Variants in ZRANB3 observed in about 807,000 individuals in gnomAD.
ZRANB3 encodes the protein DNA annealing helicase and endonuclease ZRANB3.
ZRANB3 carries 125 observed loss-of-function variants against 133.8 expected under a neutral mutation model. The observed-to-expected ratio is 0.93, with a 90% CI of 0.81 to 1.08. ZRANB3 has a LOEUF of 1.08. Ranked by LOEUF, ZRANB3 falls within the 50% of genes least tolerant of loss-of-function variation. The pLI, the probability that ZRANB3 is intolerant of heterozygous loss-of-function variation, is 0.00. For synonymous variants in ZRANB3, 387 were observed against 432.7 expected (o/e 0.89, Z 1.31); for missense variants, 1,229 against 1,275.5 (o/e 0.96, Z 0.56).
At chr2:135,504,604 G>T in intron 1 of ZRANB3, 108 bp from the exon 2 acceptor site, 1 of 992,374 alleles carries the variant, frequency 1.0e-6, no homozygotes, top group Non-Finnish European at 1.4e-6. Context: ...AAATAGCTTT[G>T]ACATACCATT....
At chr2:135,241,830 G>A (rs115649236) in intron 12 of ZRANB3, among the ~76,000 whole-genome samples, 1 of 152,276 alleles carries the variant, frequency 6.6e-6, no homozygotes, top group South Asian at 2.1e-4. Context: ...AGAAATGTAT[G>A]AGAACTAGTG....
intron 2 of ZRANB3, among the ~76,000 whole-genome samples, chr2:135,472,788 G>A (rs1316799840): frequency 2.0e-5 from 3 of 152,158 alleles, no homozygotes; most frequent in Non-Finnish European, 4.4e-5. Flanking sequence ...TACATTGAGA[G>A]TTGAACAAAC....
At chr2:135,339,606 T>C (rs1368325798) in intron 6 of ZRANB3, among the ~76,000 whole-genome samples, 1 of 152,186 alleles carries the variant, frequency 6.6e-6, no homozygotes, top group Non-Finnish European at 1.5e-5. Context: ...ACAGATGGTA[T>C]AGCCATAACA....
Position 135,200,258 on chromosome 2 carries a change from A to C in ZRANB3, c.*84T>G, listed in dbSNP as rs1255638887. On this transcript the variant is annotated 3_prime_UTR_variant, in exon 21 of 21. Transcript: ENST00000264159. ...TTTGTTCTGAAAATTTTTACTCTCG[A>C]TATATTAAACAAACATGGAAAACTT... is the stretch of plus-strand genomic sequence containing the variant. 2 of 1,141,866 alleles carry C rather than the reference A, an allele frequency of 1.8e-6. No individual in the cohort carries two copies. The highest frequency in any genetic ancestry group is 4.5e-5 in the Admixed American group (2 of 44,202). 70.7% of individuals were successfully genotyped at this position (1,141,866 alleles called of 1,614,324 possible). A position where few individuals can be genotyped will look rare whatever the true frequency, so the allele number is the denominator to read the frequency against.
intron 12 of ZRANB3, among the ~76,000 whole-genome samples, chr2:135,260,652 T>C (rs1679911963): frequency 6.8e-6 from 1 of 147,018 alleles, no homozygotes. Flanking sequence ...ATATGTACTA[T>C]ATATACTTGA....
intron 3 of ZRANB3, among the ~76,000 whole-genome samples, chr2:135,374,583 T>A (rs190791619): frequency 6.7e-6 from 1 of 149,534 alleles, no homozygotes; most frequent in East Asian, 2.0e-4. Context: ...CTCACAGCAA[T>A]CTCTGCTTCC....
At chr2:135,339,159 C>G (rs1427498117) in intron 6 of ZRANB3, among the ~76,000 whole-genome samples, 1 of 152,210 alleles carries the variant, frequency 6.6e-6, no homozygotes, top group East Asian at 1.9e-4. Flanking sequence ...TGCCTGTAAT[C>G]CCAGCACTTT....
intron 2 of ZRANB3, among the ~76,000 whole-genome samples, chr2:135,469,730 G>C (rs1691167265): frequency 6.6e-6 from 1 of 152,052 alleles, no homozygotes; most frequent in Admixed American, 6.6e-5. Context: ...AAGGATATTT[G>C]GGCCGGGCAC....
intron 2 of ZRANB3, among the ~76,000 whole-genome samples, chr2:135,444,479 A>G (rs1343601031): frequency 1.3e-5 from 2 of 152,200 alleles, no homozygotes; most frequent in South Asian, 2.1e-4. Flanking sequence ...ATGAACCTGG[A>G]AAGAAAAGCC....
chr2:135,223,086 T>C (rs1025356556), intron 15 of ZRANB3, among the ~76,000 whole-genome samples: 3 of 151,768 alleles, frequency 2.0e-5, no homozygotes, highest in African/African-American at 4.8e-5. Flanking sequence ...ACATCATCTC[T>C]ACTAAAAATA....
At chr2:135,256,528 A>G (rs1478291952) in intron 12 of ZRANB3, among the ~76,000 whole-genome samples, 2 of 152,004 alleles carry the variant, frequency 1.3e-5, no homozygotes, top group Non-Finnish European at 2.9e-5. Flanking sequence ...GGGTTTCTCC[A>G]TGTTGGTCAG....
chr2:135,373,530 G>GT (rs1197726398), intron 3 of ZRANB3, among the ~76,000 whole-genome samples: 1 of 152,204 alleles, frequency 6.6e-6, no homozygotes, highest in African/African-American at 2.4e-5. Flanking sequence ...GCTCACACCT[G>GT]TAACTGTAGT....
chr2:135,494,307 C>CAAAAAAA (rs770757530), intron 2 of ZRANB3, among the ~76,000 whole-genome samples: 1 of 51,272 alleles, frequency 2.0e-5, no homozygotes, highest in African/African-American at 7.5e-5. Flanking sequence ...GACTCCGTCT[C>CAAAAAAA]AAAAAAAAAA....
intron 2 of ZRANB3, among the ~76,000 whole-genome samples, chr2:135,412,420 T>C (rs1033913490): frequency 2.0e-5 from 3 of 152,236 alleles, no homozygotes; most frequent in Admixed American, 1.3e-4. Context: ...AAGTCATTTT[T>C]ACTACTTATA....
intron 3 of ZRANB3, among the ~76,000 whole-genome samples, chr2:135,368,956 T>C (rs905177879): frequency 2.6e-5 from 4 of 151,862 alleles, no homozygotes; most frequent in Admixed American, 1.3e-4. Context: ...AATACCAACA[T>C]TAACAAAAAT....
At chr2:135,384,951 T>C (rs924768966) in intron 3 of ZRANB3, among the ~76,000 whole-genome samples, 7 of 152,198 alleles carry the variant, frequency 4.6e-5, no homozygotes, top group African/African-American at 1.7e-4. Flanking sequence ...GGATGCACTT[T>C]CTCACCACTC....
chr2:135,492,463 A>G (rs1692433912), intron 2 of ZRANB3, among the ~76,000 whole-genome samples: 1 of 152,214 alleles, frequency 6.6e-6, no homozygotes, highest in Non-Finnish European at 1.5e-5. Flanking sequence ...AAATTTTATA[A>G]TGATAAAGAG....
At chr2:135,251,043 A>G (rs759000236) in intron 12 of ZRANB3, among the ~76,000 whole-genome samples, 31 of 152,122 alleles carry the variant, frequency 2.0e-4, no homozygotes, top group Non-Finnish European at 4.3e-4. Flanking sequence ...TGTACCCTAC[A>G]ATGCCACAGG....
At chr2:135,252,855 T>C (rs1679471446) in intron 12 of ZRANB3, among the ~76,000 whole-genome samples, 1 of 152,240 alleles carries the variant, frequency 6.6e-6, no homozygotes, top group Non-Finnish European at 1.5e-5. Context: ...TTTCCTTAAG[T>C]GCCTGCTTCA....
Sources: gnomAD v4.1 joint callset for allele counts (sites outside exome capture counted in the v4.1 genomes callset) on GRCh38, gnomAD v4.1.1 for gene constraint, MANE v1.5 for transcripts, NCBI Gene and HGNC (gene_info 2026-07-23, HGNC 2026-07-21) for gene names.